The following UPF1 variants were observed in gnomAD, a reference collection of about 807,000 sequenced individuals.
UPF1 encodes the protein UPF1 RNA helicase and ATPase.
A neutral mutation model predicts 129.2 loss-of-function variants in UPF1; 9 were observed. The observed-to-expected ratio is 0.07, with a 90% CI of 0.04 to 0.12. The LOEUF (loss-of-function observed/expected upper bound fraction) is 0.12, where lower values mean the gene tolerates loss of function less well. Ranked by LOEUF, UPF1 falls within the 10% of genes least tolerant of loss-of-function variation. The probability of loss-of-function intolerance (pLI) is 1.00; values close to 1 mark genes in which losing one functional copy is unlikely to be tolerated. For synonymous variants in UPF1, 649 were observed against 644.9 expected (o/e 1.01, Z -0.10); for missense variants, 788 against 1,525.3 (o/e 0.52, Z 8.05).
rs1259839872 is a variant in UPF1 at position 18,867,252 on chromosome 19, T to A, written c.*735T>A. ...GCCGGAGGAGTTTTGTTGTTGGTTT[T>A]AGCTTCCAGTGGCTTCTTTCTGCGG... On this transcript the variant is annotated 3_prime_UTR_variant, in exon 24 of 24. Transcript: ENST00000262803. 1 of 152,268 alleles carries A rather than the reference T, an allele frequency of 6.6e-6. No individual in the cohort carries two copies. Among genetic ancestry groups the A allele is most frequent in the Non-Finnish European group, 1.5e-5 (1 of 68,048 alleles). The allele number at this position is 152,268 out of a possible 1,614,324, so 9.4% of individuals were successfully genotyped here. A position where few individuals can be genotyped will look rare whatever the true frequency, so the allele number is the denominator to read the frequency against.
chr19:18,835,205 T>A (rs886750523), intron 1 of UPF1, among the ~76,000 whole-genome samples: 2 of 152,154 alleles, frequency 1.3e-5, no homozygotes, highest in African/African-American at 4.8e-5. Flanking sequence ...ATATGGTGTT[T>A]TGTGTCTGGC....
intron 2 of UPF1, among the ~76,000 whole-genome samples, chr19:18,846,710 G>C (rs1355880276): frequency 2.0e-5 from 3 of 152,272 alleles, no homozygotes; most frequent in Non-Finnish European, 2.9e-5. Context: ...GAAGGTTTTG[G>C]CCAGGCACGG....
intron 23 of UPF1, among the ~76,000 whole-genome samples, 163 bp downstream of exon 23, chr19:18,866,329 C>T (rs2055843921): frequency 6.6e-6 from 1 of 152,230 alleles, no homozygotes; most frequent in South Asian, 2.1e-4. Flanking sequence ...GTGCCCTTCA[C>T]TGCTAGTCAG....
In UPF1 at chr19:18,832,645, C is replaced by T. The variant is rs1682735702; in HGVS notation, c.231+205C>T. Among the ~76,000 whole-genome samples, 1 of 152,192 alleles carries T rather than the reference C, an allele frequency of 6.6e-6. No individual in the cohort carries two copies. The highest frequency in any genetic ancestry group is 6.5e-5 in the Admixed American group (1 of 15,282). On this transcript the variant is annotated intron_variant, in intron 1 of 23. Transcript: ENST00000262803. The surrounding 1 kb of genome is among the most constrained non-coding windows in gnomAD (Gnocchi z 5.6). ...GCAATCTGCCCGGGCCTGGCCTGAT[C>T]TGCCCCGGGTCCCCCGCTCCGGCCG... is the stretch of plus-strand genomic sequence containing the variant.
Position 18,853,111 on chromosome 19 carries a change from T to C in UPF1, c.1057+40T>C. ...GTCATAATTTGGTTAAGAGGTGATT[T>C]TAAGTTTTAAAATATTTGTGACCAT... On this transcript the variant is annotated intron_variant, in intron 7 of 23. Coordinates refer to ENST00000262803, the MANE Select transcript of UPF1 (RefSeq NM_002911.4). This position sits in a 1 kb window ranked among gnomAD's most constrained non-coding sequence, Gnocchi z 4.4. The C allele has an allele frequency of 6.2e-7, 1 of 1,612,128 alleles. No homozygotes were observed.
chr19:18,859,267 CTAAT>C (rs1315505019), intron 15 of UPF1: 3 of 152,214 alleles, frequency 2.0e-5, no homozygotes, highest in African/African-American at 4.8e-5. Flanking sequence ...ACACTGCTCT[CTAAT>C]TGATGCACAG....
intron 15 of UPF1, chr19:18,860,079 A>G: frequency 2.0e-6 from 1 of 508,304 alleles, no homozygotes; most frequent in Non-Finnish European, 3.5e-6. Context: ...TTCCCTGTTC[A>G]GGGGCTGAGC....
Position 18,853,861 on chromosome 19 carries a change from G to A in UPF1, c.1156+511G>A, listed in dbSNP as rs1327952686. 6.6e-6 allele frequency among the ~76,000 whole-genome samples: 1 copy of A among 152,218 alleles called. No individual in the cohort carries two copies. The highest frequency in any genetic ancestry group is 6.5e-5 in the Admixed American group (1 of 15,282). On this transcript the variant is annotated intron_variant, in intron 8 of 23. Transcript: ENST00000262803. The surrounding 1 kb of genome is among the most constrained non-coding windows in gnomAD (Gnocchi z 4.4). ...CTGTAAGGCACAGGTGCAGTCAGAGGCTTGGGTGGGGAGGAGTCCTGGGAG... is the reference window on the plus strand; with the variant it reads ...CTGTAAGGCACAGGTGCAGTCAGAGACTTGGGTGGGGAGGAGTCCTGGGAG...
chr19:18,865,200 T>G lies in UPF1; in HGVS notation c.2858-89T>G. The G allele has an allele frequency of 6.9e-7, 1 of 1,457,184 alleles. No individual in the cohort carries two copies. The highest frequency in any genetic ancestry group is 9.3e-7 in the Non-Finnish European group (1 of 1,078,772). The allele number at this position is 1,457,184 out of a possible 1,614,324, so 90.3% of individuals were successfully genotyped here. A position where few individuals can be genotyped will look rare whatever the true frequency, so the allele number is the denominator to read the frequency against. On this transcript the variant is annotated intron_variant, in intron 20 of 23. Coordinates refer to ENST00000262803, the MANE Select transcript of UPF1 (RefSeq NM_002911.4). The surrounding 1 kb of genome is among the most constrained non-coding windows in gnomAD (Gnocchi z 6.1). ...GGCAGAGCCAGGACAGATGTGCAGC[T>G]CCGGCTGACTGGCTGGTGGGGTGGG...
At chr19:18,843,718 TGTG>T (rs1378661248) in intron 1 of UPF1, among the ~76,000 whole-genome samples, 4 of 44,770 alleles carry the variant, frequency 8.9e-5, no homozygotes, top group African/African-American at 6.2e-4. Flanking sequence ...TGGCCAGGCT[TGTG>T]TGTGTGTGTG....
In UPF1 at chr19:18,865,910, G is replaced by A. The variant is rs2055838517; in HGVS notation, c.3237+132G>A. ...TCTGAATTACCTGTCCCTGGGCTGG[G>A]GTCATCAGAGTGGGTCTCCTGGGTC... On this transcript the variant is annotated intron_variant, in intron 22 of 23. Transcript: ENST00000262803. This position sits in a 1 kb window ranked among gnomAD's most constrained non-coding sequence, Gnocchi z 6.1. The A allele has an allele frequency of 6.3e-7, 1 of 1,576,996 alleles. No homozygotes were observed. The highest frequency in any genetic ancestry group is 8.6e-7 in the Non-Finnish European group (1 of 1,161,996).
At chr19:18,864,297 C>T (rs376386527) in intron 20 of UPF1, 46 bp downstream of exon 20, 34 of 1,541,908 alleles carry the variant, frequency 2.2e-5, no homozygotes, top group Middle Eastern at 1.7e-4. Flanking sequence ...GTCCTCACAC[C>T]GGGATGCTGG....
At position 18,863,444 on chromosome 19, in the gene UPF1, C is replaced by T. The variant is rs758737674; in HGVS notation, c.2607C>T (p.Gly869=). 7 of 1,613,106 alleles carry T rather than the reference C, an allele frequency of 4.3e-6. No individual in the cohort carries two copies. The highest frequency in any genetic ancestry group is 4.0e-5 in the African/African-American group (3 of 74,890). ...CACTGCGCCCTTGTTGCAGGTATGG[C>T]GTCATCATTGTGGGCAACCCGAAGG... The part of the protein sequence containing the change: ...LNVALTRARY[G]VIIVGNPKAL... Residue 869 remains glycine, a synonymous_variant, in exon 19 of 24, where the codon GGC becomes GGT. Transcript: ENST00000262803.
intron 3 of UPF1, chr19:18,848,090 C>T (rs1361204232): frequency 4.8e-6 from 2 of 415,828 alleles, no homozygotes; most frequent in African/African-American, 2.0e-5. Flanking sequence ...GTTTTTATTT[C>T]GATTTTTCTG....
intron 17 of UPF1, 58 bp from the exon 18 acceptor site, chr19:18,861,952 T>C: frequency 6.3e-7 from 1 of 1,597,050 alleles, no homozygotes; most frequent in Non-Finnish European, 8.5e-7. Flanking sequence ...TTCCTGCATT[T>C]TGGGGGGACT....
In UPF1 at chr19:18,867,430, C is replaced by CA. The variant is rs1414025761; in HGVS notation, c.*914dup. On this transcript the variant is annotated 3_prime_UTR_variant, in exon 24 of 24. Transcript: ENST00000262803. ...TGGCCCCATTGCGAGGGGCCTTGGCCAGGACTGGCCCTGTGGCCAGGAGGC... is the reference window on the plus strand; with the variant it reads ...TGGCCCCATTGCGAGGGGCCTTGGCCAAGGACTGGCCCTGTGGCCAGGAGGC... 6.6e-6 allele frequency: 1 copy of CA among 152,336 alleles called. No individual in the cohort carries two copies. Among genetic ancestry groups the CA allele is most frequent in the African/African-American group, 2.4e-5 (1 of 41,468 alleles). The allele number at this position is 152,336 out of a possible 1,614,324, so 9.4% of individuals were successfully genotyped here.
At chr19:18,860,744 T>C (rs1436921942) in intron 16 of UPF1, 82 bp from the exon 17 acceptor site, 50 of 1,563,664 alleles carry the variant, frequency 3.2e-5, no homozygotes, top group Non-Finnish European at 4.2e-5. Flanking sequence ...CAGGGTGTTG[T>C]GTCTGCACCC....
chr19:18,844,240 C>T (rs1322297741), intron 1 of UPF1, among the ~76,000 whole-genome samples: 2 of 134,772 alleles, frequency 1.5e-5, no homozygotes, highest in Non-Finnish European at 3.1e-5. Flanking sequence ...TTCTAGGATA[C>T]GTCTTTAAAT....
At chr19:18,847,052 C>G (rs529254991) in intron 2 of UPF1, among the ~76,000 whole-genome samples, 24 of 152,350 alleles carry the variant, frequency 1.6e-4, no homozygotes, top group African/African-American at 5.8e-4. Flanking sequence ...AGCTCCTTGC[C>G]CGCGTGCTGC....
Sources: allele counts gnomAD v4.1 joint callset (sites outside exome capture counted in the v4.1 genomes callset), GRCh38; gene constraint gnomAD v4.1.1; non-coding constraint Gnocchi (gnomAD v3.1); transcripts MANE v1.5; gene names NCBI Gene and HGNC (gene_info 2026-07-23, HGNC 2026-07-21).